The following KIF1B variants were observed in gnomAD, a reference collection of about 807,000 sequenced individuals.
KIF1B encodes kinesin-like protein KIF1B.
A neutral mutation model predicts 241.9 loss-of-function variants in KIF1B; 76 were observed. The observed-to-expected ratio is 0.31, with a 90% CI of 0.26 to 0.38. The LOEUF (loss-of-function observed/expected upper bound fraction) is 0.38, where lower values mean the gene tolerates loss of function less well. KIF1B is among the 10% of genes least tolerant of loss of function. KIF1B has a pLI of 1.00. For synonymous variants in KIF1B, 750 were observed against 796.7 expected, an observed-to-expected ratio of 0.94 and a Z score of 0.99; for missense variants, 1,622 against 2,271.4, an observed-to-expected ratio of 0.71 and a Z score of 5.81.
At chr1:10,217,343 C>CTTTTTTTTT (rs769372780) in intron 1 of KIF1B, among the ~76,000 whole-genome samples, 4 of 131,988 alleles carry the variant, frequency 3.0e-5, no homozygotes, top group Non-Finnish European at 6.5e-5. Context: ...CTTTCTTTTT[C>CTTTTTTTTT]TTTTTTTTTT....
intron 34 of KIF1B, 125 bp downstream of exon 34, chr1:10,343,412 C>A: frequency 1.1e-6 from 1 of 912,900 alleles, no homozygotes; most frequent in Non-Finnish European, 1.8e-6. Context: ...TGTATTCCTG[C>A]TCCTCTTGTA....
chr1:10,221,294 C>T (rs1646842189), intron 1 of KIF1B, among the ~76,000 whole-genome samples: 1 of 151,902 alleles, frequency 6.6e-6, no homozygotes. Context: ...GATGGCATTT[C>T]ACCATGTTGG....
intron 27 of KIF1B, among the ~76,000 whole-genome samples, chr1:10,332,447 CAT>C (rs1651981299): frequency 6.6e-6 from 1 of 150,856 alleles, no homozygotes; most frequent in Admixed American, 6.6e-5. Flanking sequence ...CTTCTCTGCC[CAT>C]ATGTGTCTGC....
rs566007183 is a variant in KIF1B, at chr1:10,220,196, C to T, written c.-80+9318C>T. On this transcript the variant is annotated intron_variant, in intron 1 of 48. Coordinates refer to ENST00000676179, the MANE Select transcript of KIF1B (RefSeq NM_001365951.3). ...TCCAGCCTGGGCAACAAAAGCGAAA[C>T]TCCGTCTCAAAAAAAAAAAAAAAAA... 1.3e-3 allele frequency among the ~76,000 whole-genome samples: 192 copies of T among 147,852 alleles called. 1 individual carries two copies. Among genetic ancestry groups the T allele is most frequent in the African/African-American group, 4.6e-3 (184 of 40,212 alleles).
chr1:10,281,420 ACT>A (rs1356278974), intron 14 of KIF1B, among the ~76,000 whole-genome samples: 1 of 152,162 alleles, frequency 6.6e-6, no homozygotes, highest in African/African-American at 2.4e-5. Flanking sequence ...TTTTACCAAT[ACT>A]GAGTGTAAAA....
At chr1:10,333,055 G>A (rs1295528380) in intron 27 of KIF1B, among the ~76,000 whole-genome samples, 17 of 150,938 alleles carry the variant, frequency 1.1e-4, no homozygotes, top group African/African-American at 4.1e-4. Flanking sequence ...CAGGTGATCC[G>A]CCTACCTCAG....
rs188387287 is a variant in KIF1B, at chr1:10,376,578, G to A, written c.5442G>A (p.Ser1814=). The A allele has an allele frequency of 3.0e-5, 49 of 1,613,724 alleles. No individual in the cohort carries two copies. The highest frequency in any genetic ancestry group is 2.9e-4 in the East Asian group (13 of 44,876). Residue 1814 remains serine, a synonymous_variant, in exon 49 of 49, where the codon TCG becomes TCA. Transcript: ENST00000676179. ...TTTCCCGCAGATGCCCGAGCCAGTC[G>A]AAATACTAAGTGACTCTGCCGAGTG... is the stretch of plus-strand genomic sequence containing the variant. ...SKLSRRCPSQ[S]KY
chr1:10,272,189 T>C, intron 8 of KIF1B, 52 bp from the exon 9 acceptor site: 2 of 1,023,666 alleles, frequency 2.0e-6, no homozygotes, highest in South Asian at 1.3e-5. Context: ...CTGTATGATA[T>C]AGCAGTAGTA....
At chr1:10,245,579 T>A (rs1362614025) in intron 2 of KIF1B, among the ~76,000 whole-genome samples, 1 of 152,226 alleles carries the variant, frequency 6.6e-6, no homozygotes, top group African/African-American at 2.4e-5. Flanking sequence ...AAGGATCATT[T>A]TTCCTTTGGA....
intron 22 of KIF1B, among the ~76,000 whole-genome samples, chr1:10,297,668 C>T (rs1339582715): frequency 6.6e-6 from 1 of 150,800 alleles, no homozygotes; most frequent in Non-Finnish European, 1.5e-5. Context: ...TGCTCTTGGG[C>T]TGACTTTGGG....
chr1:10,267,027 T>C (rs1648502185), intron 5 of KIF1B, among the ~76,000 whole-genome samples: 2 of 152,042 alleles, frequency 1.3e-5, no homozygotes, highest in Admixed American at 6.6e-5. Flanking sequence ...TTCTTTCTTT[T>C]TTTTTATTAA....
At chr1:10,254,061 C>T (rs1238472281) in intron 2 of KIF1B, among the ~76,000 whole-genome samples, 1 of 152,192 alleles carries the variant, frequency 6.6e-6, no homozygotes, top group Non-Finnish European at 1.5e-5. Context: ...TTGAGATATC[C>T]AGTCTTTGAG....
At chr1:10,213,847 G>A (rs913813151) in intron 1 of KIF1B, among the ~76,000 whole-genome samples, 2 of 151,994 alleles carry the variant, frequency 1.3e-5, no homozygotes, top group Non-Finnish European at 2.9e-5. Context: ...CCTGCAAAAG[G>A]TGCCTTGGGC....
chr1:10,317,276 T>C (rs1332359867), intron 22 of KIF1B, among the ~76,000 whole-genome samples: 1 of 151,560 alleles, frequency 6.6e-6, no homozygotes, highest in Non-Finnish European at 1.5e-5. Flanking sequence ...ATGAATTCTT[T>C]CTATATTCAA....
chr1:10,304,996 A>G (rs768144821), intron 22 of KIF1B: 407 of 1,122,080 alleles, frequency 3.6e-4, no homozygotes, highest in Non-Finnish European at 4.2e-4. Context: ...TCTGACATCC[A>G]GAAAGACCTG....
At chr1:10,308,572 C>G in intron 22 of KIF1B, 1 of 1,017,420 alleles carries the variant, frequency 9.8e-7, no homozygotes, top group Non-Finnish European at 1.2e-6. Context: ...AGACCTCATT[C>G]AATAAAAGTT....
rs1171495555 is a variant in KIF1B, at chr1:10,378,138, T to G, written c.*1551T>G. The G allele has an allele frequency of 1.7e-6, 1 of 588,608 alleles. No individual in the cohort carries two copies. The highest frequency in any genetic ancestry group is 3.0e-6 in the Non-Finnish European group (1 of 330,698). 36.5% of individuals were successfully genotyped at this position (588,608 alleles called of 1,614,324 possible). On this transcript the variant is annotated 3_prime_UTR_variant, in exon 49 of 49. Transcript: ENST00000676179. ...AATAAGCAAATGTGGCAGGCTTTGC[T>G]TTCTGGATCCCAGGATTAAAACTAA...
intron 4 of KIF1B, among the ~76,000 whole-genome samples, 167 bp from the exon 5 acceptor site, chr1:10,261,738 G>A (rs554866273): frequency 9.2e-5 from 14 of 152,188 alleles, no homozygotes; most frequent in South Asian, 8.3e-4. Flanking sequence ...GTTATGCAGC[G>A]CATGACTGAC....
At chr1:10,284,798 G>A (rs760823551) in intron 15 of KIF1B, among the ~76,000 whole-genome samples, 2 of 152,038 alleles carry the variant, frequency 1.3e-5, no homozygotes, top group Non-Finnish European at 2.9e-5. Context: ...GGAGGCGGAG[G>A]TTACAGTGAG....
Sources: allele counts gnomAD v4.1 joint callset (sites outside exome capture counted in the v4.1 genomes callset), GRCh38; gene constraint gnomAD v4.1.1; transcripts MANE v1.5; gene names NCBI Gene and HGNC (gene_info 2026-07-23, HGNC 2026-07-21).